The following ELAPOR2 variants were observed in gnomAD, a reference collection of about 807,000 sequenced individuals.
The protein encoded by ELAPOR2 is endosome-lysosome associated apoptosis and autophagy regulator family member 2.
A neutral mutation model predicts 120.7 loss-of-function variants in ELAPOR2; 89 were observed. The observed-to-expected ratio is 0.74, with a 90% CI of 0.62 to 0.88. ELAPOR2 has a LOEUF of 0.88. Among genes scored for constraint, ELAPOR2 ranks in the 40% least tolerant of loss-of-function variants. ELAPOR2 has a pLI of 0.00. For synonymous variants in ELAPOR2, 444 were observed against 444.9 expected (o/e 1.00, Z 0.03); for missense variants, 1,134 against 1,251.6 (o/e 0.91, Z 1.42).
chr7:87,021,880 A>G (rs1426180084), intron 1 of ELAPOR2, among the ~76,000 whole-genome samples: 1 of 152,158 alleles, frequency 6.6e-6, no homozygotes, highest in East Asian at 1.9e-4. Context: ...ATTCTTTTAA[A>G]TGTACAGATT....
At chr7:86,913,298 TAG>T (rs2116100636) in intron 13 of ELAPOR2, 94 bp from the exon 14 acceptor site, 1 of 1,224,288 alleles carries the variant, frequency 8.2e-7, no homozygotes, top group South Asian at 1.4e-5. Flanking sequence ...AATAACTAAA[TAG>T]AGTGTTCCAG....
At chr7:86,959,452 G>A (rs1791616416) in intron 2 of ELAPOR2, among the ~76,000 whole-genome samples, 1 of 152,150 alleles carries the variant, frequency 6.6e-6, no homozygotes, top group South Asian at 2.1e-4. Flanking sequence ...TATAATATTA[G>A]CTATGTGCTT....
intron 1 of ELAPOR2, among the ~76,000 whole-genome samples, chr7:86,994,145 A>G (rs936668643): frequency 6.6e-6 from 1 of 152,214 alleles, no homozygotes; most frequent in Admixed American, 6.5e-5. Context: ...TTTAATGAAT[A>G]TTGATACTTT....
chr7:86,893,862 G>A (rs1788311317), intron 19 of ELAPOR2, among the ~76,000 whole-genome samples: 1 of 151,938 alleles, frequency 6.6e-6, no homozygotes, highest in African/African-American at 2.4e-5. Context: ...GATCAAATAG[G>A]CAGATCAAAA....
chr7:86,947,925 G>A lies in ELAPOR2; in HGVS notation c.311-3C>T, dbSNP rs946657366. ...CTCTCCAGAAGCACAGGAGAAAGCTGGAAGGCAGAAGAATGGACAACCCAT... is the reference window on the plus strand; with the variant it reads ...CTCTCCAGAAGCACAGGAGAAAGCTAGAAGGCAGAAGAATGGACAACCCAT... On this transcript the variant is annotated splice_region_variant and splice_polypyrimidine_tract_variant and intron_variant, in intron 2 of 21. Transcript: ENST00000450689. 6.5e-7 allele frequency: 1 copy of A among 1,547,784 alleles called. No homozygotes were observed.
At chr7:86,910,730 C>T (rs1029308735) in intron 15 of ELAPOR2, among the ~76,000 whole-genome samples, 1 of 152,018 alleles carries the variant, frequency 6.6e-6, no homozygotes, top group African/African-American at 2.4e-5. Context: ...CTATAGCTTG[C>T]TCCATAATTT....
Position 86,880,201 on chromosome 7 carries a change from T to C in ELAPOR2, c.*270A>G, listed in dbSNP as rs1474746881. The C allele has an allele frequency of 3.5e-5, 15 of 431,262 alleles. No homozygotes were observed. Among genetic ancestry groups the C allele is most frequent in the Non-Finnish European group, 4.9e-5 (12 of 242,634 alleles). 26.7% of individuals were successfully genotyped at this position (431,262 alleles called of 1,614,324 possible). ...GCATTGGTGGGCTTAAACTTGGTTT[T>C]CAGTTATGTGTATATACAGATAAAT... On this transcript the variant is annotated 3_prime_UTR_variant, in exon 22 of 22. Transcript: ENST00000450689.
chr7:87,046,885 C>A (rs942321288), intron 1 of ELAPOR2, among the ~76,000 whole-genome samples: 6 of 152,156 alleles, frequency 3.9e-5, no homozygotes, highest in African/African-American at 1.4e-4. Context: ...GATACACTAT[C>A]CTAAGCAGAA....
At chr7:86,990,203 C>A (rs946191731) in intron 1 of ELAPOR2, among the ~76,000 whole-genome samples, 2 of 152,068 alleles carry the variant, frequency 1.3e-5, no homozygotes, top group African/African-American at 2.4e-5. Flanking sequence ...CCTGCCACCA[C>A]GCCCAGCTAA....
At chr7:86,941,045 G>C (rs1304774816) in intron 5 of ELAPOR2, among the ~76,000 whole-genome samples, 1 of 151,966 alleles carries the variant, frequency 6.6e-6, no homozygotes, top group Admixed American at 6.6e-5. Flanking sequence ...TATTCTGAAA[G>C]GGTATGTTGT....
chr7:87,056,789 C>T (rs566366144), intron 1 of ELAPOR2, among the ~76,000 whole-genome samples: 29 of 152,302 alleles, frequency 1.9e-4, no homozygotes, highest in African/African-American at 7.0e-4. Context: ...CATTTGTCTT[C>T]CTTTAGTTGC....
intron 17 of ELAPOR2, 95 bp downstream of exon 17, chr7:86,908,352 A>C (rs1012570222): frequency 4.5e-6 from 3 of 670,306 alleles, no homozygotes; most frequent in Non-Finnish European, 7.7e-6. Context: ...ATATGATTAC[A>C]TACCCATAAT....
chr7:86,945,644 T>C (rs1308323968), intron 3 of ELAPOR2, among the ~76,000 whole-genome samples: 1 of 152,142 alleles, frequency 6.6e-6, no homozygotes, highest in Non-Finnish European at 1.5e-5. Flanking sequence ...AGTATGAAGA[T>C]AAGGGTATAG....
chr7:86,955,193 C>T (rs1023654302), intron 2 of ELAPOR2, among the ~76,000 whole-genome samples: 2 of 152,054 alleles, frequency 1.3e-5, no homozygotes, highest in African/African-American at 4.8e-5. Flanking sequence ...GAACACCATC[C>T]TTTTAAGCTG....
chr7:87,055,930 G>A (rs1795249292), intron 1 of ELAPOR2, among the ~76,000 whole-genome samples: 1 of 152,188 alleles, frequency 6.6e-6, no homozygotes, highest in Non-Finnish European at 1.5e-5. Flanking sequence ...AGTGAACTAA[G>A]AATCAGCTAT....
intron 8 of ELAPOR2, among the ~76,000 whole-genome samples, chr7:86,929,763 G>A (rs1016429498): frequency 5.3e-5 from 8 of 151,894 alleles, no homozygotes; most frequent in Admixed American, 2.6e-4. Context: ...TTGGAGGTAA[G>A]GCCTGGTGGG....
intron 1 of ELAPOR2, among the ~76,000 whole-genome samples, chr7:87,053,739 A>T (rs1795182747): frequency 2.0e-5 from 3 of 152,186 alleles, no homozygotes; most frequent in Admixed American, 2.0e-4. Context: ...AGGAAAGGAT[A>T]GGATATAGGG....
At chr7:87,035,520 C>A (rs1261479931) in intron 1 of ELAPOR2, among the ~76,000 whole-genome samples, 1 of 152,150 alleles carries the variant, frequency 6.6e-6, no homozygotes, top group Non-Finnish European at 1.5e-5. Context: ...CTAAACAACC[C>A]CATTTCCTTT....
At chr7:86,938,066 C>T in intron 8 of ELAPOR2, 60 bp downstream of exon 8, 2 of 1,257,196 alleles carry the variant, frequency 1.6e-6, no homozygotes, top group African/African-American at 3.0e-5. Context: ...TTAGAGTCTG[C>T]TCAAATTGGA....
Sources: gnomAD v4.1 joint callset for allele counts (sites outside exome capture counted in the v4.1 genomes callset) on GRCh38, gnomAD v4.1.1 for gene constraint, MANE v1.5 for transcripts, NCBI Gene and HGNC (gene_info 2026-07-23, HGNC 2026-07-21) for gene names.